The following RFPL3 variants were observed in gnomAD, a reference collection of about 807,000 sequenced individuals.
RFPL3 encodes the protein ret finger protein like 3.
In RFPL3, 8 loss-of-function variants were observed where a neutral mutation model predicts 8.7. That is an observed-to-expected ratio of 0.92 (90% CI 0.54 to 1.66). The LOEUF is 1.66. RFPL3 is among the 40% of genes most tolerant of loss of function. RFPL3 has a pLI of 0.00. For synonymous variants in RFPL3, 145 were observed against 150.5 expected (o/e 0.96, Z 0.27); for missense variants, 341 against 395.0 (o/e 0.86, Z 1.16).
chr22:32,356,460 C>T (rs1156597982), upstream of RFPL3, among the ~76,000 whole-genome samples: 2 of 152,216 alleles, frequency 1.3e-5, no homozygotes, highest in Admixed American at 6.5e-5. Flanking sequence ...CAAGTAATCC[C>T]CCCTTACACA....
At chr22:32,360,049 T>C in intron 1 of RFPL3, 1 of 627,590 alleles carries the variant, frequency 1.6e-6, no homozygotes, top group East Asian at 2.8e-5. Context: ...GAATTGCTAC[T>C]GTGAATAAGA....
Position 32,357,922 on chromosome 22 carries a change from T to G in RFPL3, c.-150T>G. 6.7e-7 allele frequency: 1 copy of G among 1,500,834 alleles called. No homozygotes were observed. The highest frequency in any genetic ancestry group is 1.4e-5 in the South Asian group (1 of 72,464). The allele number at this position is 1,500,834 out of a possible 1,614,324, so 93.0% of individuals were successfully genotyped here. ...GGTCACCAGGAGAATGGACCCTTCC[T>G]CCACCTCAGCTCAGAGCACAGTGAT... On this transcript the variant is annotated 5_prime_UTR_variant, in exon 1 of 2. Coordinates refer to ENST00000249007, the MANE Select transcript of RFPL3 (RefSeq NM_001098535.1).
chr22:32,360,857 G>T lies in RFPL3; in HGVS notation c.*25G>T. The T allele has an allele frequency of 2.7e-6, 4 of 1,504,984 alleles. No homozygotes were observed. In the South Asian group the frequency reaches 5.7e-5, roughly 21 times the overall value. The allele number at this position is 1,504,984 out of a possible 1,614,324, so 93.2% of individuals were successfully genotyped here. ...AGCCGCCACTGCAAAAAAAAACAGGGTCAGAAAATTACTTGGGTGGGTAGA... is the reference window on the plus strand; with the variant it reads ...AGCCGCCACTGCAAAAAAAAACAGGTTCAGAAAATTACTTGGGTGGGTAGA... On this transcript the variant is annotated 3_prime_UTR_variant, in exon 2 of 2. Transcript: ENST00000249007.
At chr22:32,359,925 T>C (rs1320391523) in intron 1 of RFPL3, 16 of 333,130 alleles carry the variant, frequency 4.8e-5, no homozygotes, top group African/African-American at 3.2e-4. Flanking sequence ...TTATCATTTA[T>C]TTGTTCACAC....
upstream of RFPL3, among the ~76,000 whole-genome samples, chr22:32,355,137 T>C (rs1482892843): frequency 6.6e-6 from 1 of 152,092 alleles, no homozygotes; most frequent in Non-Finnish European, 1.5e-5. Flanking sequence ...CATGTTCTGA[T>C]TGGATGAGGA....
intron 1 of RFPL3, 103 bp from the exon 2 acceptor site, chr22:32,360,149 T>C: frequency 7.0e-7 from 1 of 1,426,642 alleles, no homozygotes; most frequent in Non-Finnish European, 9.4e-7. Context: ...AGAAACAGAA[T>C]TAAAGAAACT....
upstream of RFPL3, among the ~76,000 whole-genome samples, chr22:32,355,056 G>A (rs1054144003): frequency 1.3e-5 from 2 of 150,312 alleles, no homozygotes; most frequent in Non-Finnish European, 3.0e-5. Flanking sequence ...AGGAGAGCTT[G>A]GAATGACAAA....
chr22:32,359,948 G>A (rs1399973301), intron 1 of RFPL3: 7 of 411,350 alleles, frequency 1.7e-5, no homozygotes, highest in African/African-American at 1.0e-4. Flanking sequence ...CAAGGTGGTA[G>A]AAAGGGGGGC....
chr22:32,359,613 C>A (rs1243859381), intron 1 of RFPL3, among the ~76,000 whole-genome samples: 1 of 152,152 alleles, frequency 6.6e-6, no homozygotes, highest in Non-Finnish European at 1.5e-5. Flanking sequence ...TTTCTCTTGG[C>A]TCCAAAATTT....
chr22:32,360,127 G>A, intron 1 of RFPL3, 125 bp from the exon 2 acceptor site: 1 of 1,302,832 alleles, frequency 7.7e-7, no homozygotes, highest in Non-Finnish European at 1.0e-6. Context: ...GAAAAGTTTT[G>A]ATTTTGGAGG....
In RFPL3 at chr22:32,359,279, C is replaced by T. The variant is rs754051368; in HGVS notation, c.373+835C>T. 4.3e-4 allele frequency among the ~76,000 whole-genome samples: 66 copies of T among 152,320 alleles called. 1 individual carries two copies. The highest frequency in any genetic ancestry group is 6.8e-3 in the Middle Eastern group (2 of 294). ...ATGTTTGGAACCCTCTTCCTCCTTCCTTGTCCATGTCCATTCCCTAATTCA... is the reference window on the plus strand; with the variant it reads ...ATGTTTGGAACCCTCTTCCTCCTTCTTTGTCCATGTCCATTCCCTAATTCA... On this transcript the variant is annotated intron_variant, in intron 1 of 1. Transcript: ENST00000249007.
upstream of RFPL3, chr22:32,357,774 T>C (rs1601405793): frequency 2.9e-6 from 3 of 1,037,728 alleles, no homozygotes; most frequent in East Asian, 1.3e-4. Flanking sequence ...GCCTCTCAGC[T>C]CCTAATTCTT....
intron 1 of RFPL3, 101 bp from the exon 2 acceptor site, chr22:32,360,150 TA>T: frequency 7.0e-7 from 1 of 1,428,832 alleles, no homozygotes. Flanking sequence ...GAAACAGAAT[TA>T]AAGAAACTAA....
chr22:32,359,667 A>C lies in RFPL3; in HGVS notation c.374-585A>C, dbSNP rs113313910. The stretch of plus-strand genomic sequence containing the variant: ...GTCTCACCTTCCATGTAGGATAGAA[A>C]ACATTCTTTCATCTAAAAGGTCCCC... On this transcript the variant is annotated intron_variant, in intron 1 of 1. Transcript: ENST00000249007. Among the ~76,000 whole-genome samples, 1,119 of 152,276 alleles carry C rather than the reference A, an allele frequency of 7.3e-3. 6 individuals are homozygous for C. The highest frequency in any genetic ancestry group is 0.012 in the Non-Finnish European group (806 of 68,016).
chr22:32,360,644 G>A lies in RFPL3; in HGVS notation c.766G>A (p.Val256Ile), dbSNP rs768846210. Residue 256 changes from valine (V) to isoleucine (I), a missense_variant, in exon 2 of 2, where the codon GTT becomes ATT. By Grantham distance (29) the Val-to-Ile change is conservative. Coordinates refer to ENST00000249007, the MANE Select transcript of RFPL3 (RefSeq NM_001098535.1). Reference protein sequence around the residue: ...GIFLDMGMQNVSFFDAESGSH... With the variant: ...GIFLDMGMQNISFFDAESGSH... The stretch of plus-strand genomic sequence containing the variant: ...TTTTCTGGATATGGGCATGCAGAAC[G>A]TTTCCTTTTTTGATGCTGAAAGTGG... 10 of 1,613,188 alleles carry A rather than the reference G, an allele frequency of 6.2e-6. No individual in the cohort carries two copies. The highest frequency in any genetic ancestry group is 5.5e-5 in the South Asian group (5 of 90,996).
chr22:32,360,493 G>C lies in RFPL3; in HGVS notation c.615G>C (p.Gly205=). 1 of 1,613,954 alleles carries C rather than the reference G, an allele frequency of 6.2e-7. No individual in the cohort carries two copies. The highest frequency in any genetic ancestry group is 2.2e-5 in the East Asian group (1 of 44,890). The change falls in exon 2 of 2, where the codon GGG becomes GGC. Residue 205 remains glycine (G), a synonymous_variant. Coordinates refer to ENST00000249007, the MANE Select transcript of RFPL3 (RefSeq NM_001098535.1). ...GVCRESVHCK[G]KIQLTTELGF... Reference sequence around the variant, plus strand: ...GCAGAGAATCTGTTCACTGCAAAGGGAAGATCCAGCTGACCACAGAGCTTG... The same window carrying C: ...GCAGAGAATCTGTTCACTGCAAAGGCAAGATCCAGCTGACCACAGAGCTTG...
chr22:32,355,432 C>G (rs747275207), upstream of RFPL3, among the ~76,000 whole-genome samples: 6 of 152,030 alleles, frequency 3.9e-5, no homozygotes, highest in Non-Finnish European at 7.4e-5. Context: ...CAGAGAAAGT[C>G]CTGATGTGGG....
chr22:32,357,786 T>C (rs999153279), upstream of RFPL3: 20 of 1,129,590 alleles, frequency 1.8e-5, no homozygotes, highest in Non-Finnish European at 2.0e-5. Flanking sequence ...CTAATTCTTA[T>C]GTTCATCAAT....
At chr22:32,357,057 T>A (rs1932690183), upstream of RFPL3, 1 of 377,966 alleles carries the variant, frequency 2.6e-6, no homozygotes, top group Admixed American at 3.7e-5. Flanking sequence ...CCTCAGTGTA[T>A]GAAGAGGGGT....
Sources: allele counts gnomAD v4.1 joint callset (sites outside exome capture counted in the v4.1 genomes callset), GRCh38; gene constraint gnomAD v4.1.1; transcripts MANE v1.5; gene names NCBI Gene and HGNC (gene_info 2026-07-23, HGNC 2026-07-21).